The following TRIM35 variants were observed in gnomAD, a reference collection of about 807,000 sequenced individuals.
TRIM35 encodes E3 ubiquitin-protein ligase TRIM35.
Under a neutral mutation model 49.1 loss-of-function variants are expected in TRIM35, and 37 were observed. The ratio of observed to expected loss-of-function variants is 0.75; its 90% CI spans 0.58 to 0.99. The LOEUF (loss-of-function observed/expected upper bound fraction) is 0.99. Among genes scored for constraint, TRIM35 ranks in the 50% least tolerant of loss-of-function variants. The pLI is 0.00. For synonymous variants in TRIM35, 302 were observed against 289.3 expected, an observed-to-expected ratio of 1.04 and a Z score of -0.45; for missense variants, 648 against 702.7, an observed-to-expected ratio of 0.92 and a Z score of 0.88.
rs182616617 is a variant in TRIM35 at position 27,285,504 on chromosome 8, T to C, written c.*2046A>G. On this transcript the variant is annotated 3_prime_UTR_variant, in exon 6 of 6. Transcript: ENST00000305364. ...GATAAATAAAATGTAGTACTACCATTCCATACAATGGAATATTACCCGATG... is the reference window on the plus strand; with the variant it reads ...GATAAATAAAATGTAGTACTACCATCCCATACAATGGAATATTACCCGATG... The C allele has an allele frequency of 2.0e-5, 3 of 152,336 alleles. No homozygotes were observed. The highest frequency in any genetic ancestry group is 3.4e-3 in the Middle Eastern group (1 of 294). The allele number at this position is 152,336 out of a possible 1,614,324, so 9.4% of individuals were successfully genotyped here.
At chr8:27,302,100 T>C (rs1802692580) in intron 1 of TRIM35, among the ~76,000 whole-genome samples, 1 of 152,250 alleles carries the variant, frequency 6.6e-6, no homozygotes, top group South Asian at 2.1e-4. Context: ...GATAGGTTTC[T>C]CTTCAAGAAT....
chr8:27,294,016 A>T, intron 3 of TRIM35, 64 bp downstream of exon 3: 1 of 1,535,730 alleles, frequency 6.5e-7, no homozygotes, highest in Non-Finnish European at 8.9e-7. Flanking sequence ...CTGGTGGGCT[A>T]TGGCTCCCAG....
chr8:27,305,834 CTTTA>C (rs1298833636), intron 1 of TRIM35, among the ~76,000 whole-genome samples: 1 of 152,108 alleles, frequency 6.6e-6, no homozygotes, highest in Non-Finnish European at 1.5e-5. Flanking sequence ...GATCCTAGAA[CTTTA>C]TTTATTTATT....
intron 2 of TRIM35, among the ~76,000 whole-genome samples, chr8:27,294,676 A>ATT (rs373275301): frequency 2.0e-5 from 3 of 149,742 alleles, no homozygotes; most frequent in African/African-American, 7.3e-5. Context: ...AATAGCAATG[A>ATT]TTTTTTTTTA....
At chr8:27,310,746 G>A (rs1563448132) in intron 1 of TRIM35, 55 bp downstream of exon 1, 1 of 1,520,228 alleles carries the variant, frequency 6.6e-7, no homozygotes, top group Non-Finnish European at 8.9e-7. Flanking sequence ...GCAGAGCCAA[G>A]GGATTCCGGG....
chr8:27,310,364 G>C (rs183781994), intron 1 of TRIM35, among the ~76,000 whole-genome samples: 1 of 152,278 alleles, frequency 6.6e-6, no homozygotes, highest in East Asian at 1.9e-4. Flanking sequence ...TGACTGGTTT[G>C]GGGGAAATCT....
intron 5 of TRIM35, 31 bp downstream of exon 5, chr8:27,289,131 G>A (rs1210173920): frequency 5.0e-6 from 8 of 1,588,464 alleles, no homozygotes; most frequent in Admixed American, 1.7e-5. Context: ...TTCCACCCAT[G>A]CTTGGGACAC....
intron 1 of TRIM35, among the ~76,000 whole-genome samples, chr8:27,309,224 T>C (rs918731076): frequency 6.6e-6 from 1 of 152,178 alleles, no homozygotes; most frequent in African/African-American, 2.4e-5. Flanking sequence ...GCCAGCCAAA[T>C]AGGCATCAGT....
chr8:27,295,159 T>C (rs1802540045), intron 2 of TRIM35, among the ~76,000 whole-genome samples: 1 of 152,054 alleles, frequency 6.6e-6, no homozygotes, highest in African/African-American at 2.4e-5. Context: ...GATAAAACCA[T>C]AAATGTAATG....
chr8:27,298,735 T>C (rs1240588052), intron 1 of TRIM35, among the ~76,000 whole-genome samples, 176 bp from the exon 2 acceptor site: 1 of 152,250 alleles, frequency 6.6e-6, no homozygotes, highest in Non-Finnish European at 1.5e-5. Flanking sequence ...AGTAAGGTCC[T>C]GATCCTGAAT....
Position 27,285,526 on chromosome 8 carries a change from G to T in TRIM35, c.*2024C>A, listed in dbSNP as rs545420675. 1 of 151,744 alleles carries T rather than the reference G, an allele frequency of 6.6e-6. No homozygotes were observed. Among genetic ancestry groups the T allele is most frequent in the Non-Finnish European group, 1.5e-5 (1 of 67,978 alleles). 9.4% of individuals were successfully genotyped at this position (151,744 alleles called of 1,614,324 possible). ...CATTCCATACAATGGAATATTACCCGATGAAAAAATAAAGTTGAACACATG... is the reference window on the plus strand; with the variant it reads ...CATTCCATACAATGGAATATTACCCTATGAAAAAATAAAGTTGAACACATG... On this transcript the variant is annotated 3_prime_UTR_variant, in exon 6 of 6. Transcript: ENST00000305364.
At chr8:27,309,852 C>T (rs549518725) in intron 1 of TRIM35, among the ~76,000 whole-genome samples, 6 of 151,542 alleles carry the variant, frequency 4.0e-5, no homozygotes, top group Admixed American at 3.3e-4. Flanking sequence ...ATTAGCCAGG[C>T]GTGTTGGTAC....
At chr8:27,302,289 G>A (rs897373700) in intron 1 of TRIM35, among the ~76,000 whole-genome samples, 2 of 152,090 alleles carry the variant, frequency 1.3e-5, no homozygotes, top group African/African-American at 2.4e-5. Flanking sequence ...TATCACACCA[G>A]TTACTTAATG....
chr8:27,308,694 G>A lies in TRIM35; in HGVS notation c.435+2107C>T, dbSNP rs146174200. 2.9e-3 allele frequency among the ~76,000 whole-genome samples: 442 copies of A among 152,270 alleles called. 2 individuals carry two copies. Among genetic ancestry groups the A allele is most frequent in the African/African-American group, 0.01 (416 of 41,546 alleles). On this transcript the variant is annotated intron_variant, in intron 1 of 5. Transcript: ENST00000305364. ...ATCAGTACCCATTTGTCTAGTAAAT[G>A]AGTGATTTGCACCCTGCATCAGGCT... is the stretch of plus-strand genomic sequence containing the variant.
At chr8:27,304,615 T>C in intron 1 of TRIM35, 1 of 344,954 alleles carries the variant, frequency 2.9e-6, no homozygotes, top group South Asian at 2.2e-5. Context: ...CTCGGTACAC[T>C]TCTGCAGAAG....
chr8:27,293,080 A>G (rs1290479003), intron 3 of TRIM35, among the ~76,000 whole-genome samples: 1 of 151,726 alleles, frequency 6.6e-6, no homozygotes, highest in African/African-American at 2.4e-5. Context: ...GACATTTTTG[A>G]GACAGGAGAC....
intron 2 of TRIM35, among the ~76,000 whole-genome samples, chr8:27,294,664 C>T (rs946356450): frequency 2.6e-5 from 4 of 152,026 alleles, no homozygotes; most frequent in African/African-American, 9.7e-5. Context: ...TGAATGGCTG[C>T]GAATAGCAAT....
intron 1 of TRIM35, among the ~76,000 whole-genome samples, chr8:27,305,315 G>A (rs1262069447): frequency 6.6e-6 from 1 of 152,192 alleles, no homozygotes; most frequent in African/African-American, 2.4e-5. Flanking sequence ...TTTCCCCTTT[G>A]TGTTCAGACC....
At chr8:27,308,585 T>G (rs1215192821) in intron 1 of TRIM35, among the ~76,000 whole-genome samples, 1 of 152,152 alleles carries the variant, frequency 6.6e-6, no homozygotes, top group Non-Finnish European at 1.5e-5. Flanking sequence ...CACACAGAAC[T>G]ACATCTTGTC....
Sources: allele counts gnomAD v4.1 joint callset (sites outside exome capture counted in the v4.1 genomes callset), GRCh38; gene constraint gnomAD v4.1.1; transcripts MANE v1.5; gene names NCBI Gene and HGNC (gene_info 2026-07-23, HGNC 2026-07-21).